Variants in BMPR2 observed in about 807,000 individuals in gnomAD.
BMPR2 encodes the protein bone morphogenetic protein receptor type-2.
Under a neutral mutation model 100.8 loss-of-function variants are expected in BMPR2, and 29 were observed. That is an observed-to-expected ratio of 0.29 (90% CI 0.21 to 0.39). The LOEUF (loss-of-function observed/expected upper bound fraction) is 0.39, where lower values mean the gene tolerates loss of function less well. BMPR2 is among the 10% of genes least tolerant of loss of function. The pLI is 1.00. For synonymous variants in BMPR2, 382 were observed against 442.3 expected (o/e 0.86, Z 1.71); for missense variants, 1,011 against 1,274.5 (o/e 0.79, Z 3.15).
At chr2:202,403,287 C>T (rs1306990159) in intron 1 of BMPR2, among the ~76,000 whole-genome samples, 1 of 150,800 alleles carries the variant, frequency 6.6e-6, no homozygotes, top group Non-Finnish European at 1.5e-5. Flanking sequence ...GCAGCCTCCG[C>T]CTCCCGGGTT....
At chr2:202,535,833 G>A (rs62194101) in intron 9 of BMPR2, among the ~76,000 whole-genome samples, 12 of 150,574 alleles carry the variant, frequency 8.0e-5, no homozygotes, top group African/African-American at 2.0e-4. Flanking sequence ...CTGCAATCCC[G>A]GCACCTCGGG....
intron 1 of BMPR2, among the ~76,000 whole-genome samples, chr2:202,408,478 G>T (rs138424923): frequency 6.6e-6 from 1 of 152,290 alleles, no homozygotes; most frequent in African/African-American, 2.4e-5. Context: ...GCACAATGGT[G>T]TATAAAATCT....
At chr2:202,395,151 G>T (rs369360713) in intron 1 of BMPR2, among the ~76,000 whole-genome samples, 1 of 152,068 alleles carries the variant, frequency 6.6e-6, no homozygotes, top group Non-Finnish European at 1.5e-5. Flanking sequence ...CAAAGTGCTG[G>T]GATTACAGGC....
intron 3 of BMPR2, among the ~76,000 whole-genome samples, chr2:202,500,588 G>C (rs1205019696): frequency 6.6e-6 from 1 of 152,204 alleles, no homozygotes; most frequent in Non-Finnish European, 1.5e-5. Flanking sequence ...CTTAAGGCCT[G>C]AAGCTCATAC....
intron 1 of BMPR2, among the ~76,000 whole-genome samples, chr2:202,407,109 AT>A (rs34304623): frequency 0.13 from 18,385 of 141,768 alleles, 1,177 homozygotes; most frequent in Admixed American, 0.14. Context: ...TAATTTTTGT[AT>A]TTTTTTTTTT....
At position 202,535,130 on chromosome 2, in the gene BMPR2, G is replaced by A. The variant is rs1388972335; in HGVS notation, c.1276+2398G>A. Among the ~76,000 whole-genome samples, 54 of 140,260 alleles carry A rather than the reference G, an allele frequency of 3.8e-4. 2 individuals carry two copies. Among genetic ancestry groups the A allele is most frequent in the East Asian group, 1.5e-3 (7 of 4,588 alleles). The allele number at this position is 140,260 out of a possible 152,430, so 92.0% of individuals were successfully genotyped here. On this transcript the variant is annotated intron_variant, in intron 9 of 12. Transcript: ENST00000374580. ...CGGACGGGGCGGCTGGCCGGGCGGG[G>A]GGCTGACCCCCCCACCTCCCTCCCG...
rs1165245040 is a variant in BMPR2, at chr2:202,503,925, AAT to A, written c.419-9792_419-9791del. On this transcript the variant is annotated intron_variant, in intron 3 of 12. Transcript: ENST00000374580. This position sits in a 1 kb window ranked among gnomAD's most constrained non-coding sequence, Gnocchi z 4.0. ...CTCTGTATCTAGCTCAAGGTTTGTA[AAT>A]ACACCAATCAGCACCCTGTGTCTAG... is the stretch of plus-strand genomic sequence containing the variant. Among the ~76,000 whole-genome samples, 2 of 152,136 alleles carry A rather than the reference AAT, an allele frequency of 1.3e-5. No homozygotes were observed. Among genetic ancestry groups the A allele is most frequent in the African/African-American group, 4.8e-5 (2 of 41,422 alleles).
chr2:202,398,917 T>A (rs530456453), intron 1 of BMPR2, among the ~76,000 whole-genome samples: 1 of 152,086 alleles, frequency 6.6e-6, no homozygotes, highest in East Asian at 1.9e-4. Context: ...TCACCTGAAG[T>A]TGGGAGTTCG....
At chr2:202,535,191 C>T (rs544175550) in intron 9 of BMPR2, among the ~76,000 whole-genome samples, 4 of 149,912 alleles carry the variant, frequency 2.7e-5, no homozygotes, top group African/African-American at 9.8e-5. Context: ...GCTGACCCCC[C>T]CCACCTCCCT....
chr2:202,559,970 A>T lies in BMPR2; in HGVS notation c.*24A>T. 6.2e-7 allele frequency: 1 copy of T among 1,613,524 alleles called. No individual in the cohort carries two copies. The highest frequency in any genetic ancestry group is 1.1e-5 in the South Asian group (1 of 91,034). ...GAAATGTTTTCAAGCCTATGGAGTG[A>T]AATTATTTTTTGCATCATTTAAACA... On this transcript the variant is annotated 3_prime_UTR_variant, in exon 13 of 13. Transcript: ENST00000374580.
intron 5 of BMPR2, among the ~76,000 whole-genome samples, chr2:202,516,949 C>T (rs2106004807): frequency 6.6e-6 from 1 of 152,222 alleles, no homozygotes; most frequent in South Asian, 2.1e-4. Flanking sequence ...AAAGTAAAAG[C>T]AATCCCCAGA....
At chr2:202,526,486 T>C (rs1687914530) in intron 7 of BMPR2, among the ~76,000 whole-genome samples, 6 of 152,264 alleles carry the variant, frequency 3.9e-5, no homozygotes, top group Admixed American at 3.3e-4. Flanking sequence ...TATCTTGACA[T>C]CTTGCTTCTC....
At chr2:202,491,871 A>C (rs1228038894) in intron 3 of BMPR2, among the ~76,000 whole-genome samples, 1 of 152,176 alleles carries the variant, frequency 6.6e-6, no homozygotes, top group African/African-American at 2.4e-5. Flanking sequence ...AAATGTATAC[A>C]TTTGTGGAAT....
At chr2:202,465,498 C>T (rs1222176880) in intron 2 of BMPR2, among the ~76,000 whole-genome samples, 1 of 152,114 alleles carries the variant, frequency 6.6e-6, no homozygotes, top group African/African-American at 2.4e-5. Context: ...CATGCCCGTT[C>T]TATGAATTTT....
intron 1 of BMPR2, among the ~76,000 whole-genome samples, chr2:202,453,314 T>C (rs533392509): frequency 1.3e-5 from 2 of 152,142 alleles, no homozygotes; most frequent in South Asian, 4.1e-4. Flanking sequence ...ACTAAGTATA[T>C]ACCCAAAAGG....
intron 3 of BMPR2, among the ~76,000 whole-genome samples, chr2:202,510,314 G>A (rs1687595759): frequency 6.6e-6 from 1 of 152,178 alleles, no homozygotes. Context: ...CTACTTAGGA[G>A]TCTGAGGCAG....
chr2:202,489,559 A>G (rs1308867681), intron 3 of BMPR2, among the ~76,000 whole-genome samples: 1 of 152,232 alleles, frequency 6.6e-6, no homozygotes, highest in Non-Finnish European at 1.5e-5. Context: ...TAAGGTTTAT[A>G]CATCTCACAA....
intron 1 of BMPR2, among the ~76,000 whole-genome samples, chr2:202,399,831 G>A (rs1173853722): frequency 6.6e-6 from 1 of 152,224 alleles, no homozygotes; most frequent in African/African-American, 2.4e-5. Flanking sequence ...ATAGTTGAGT[G>A]CTGGGCTTGA....
intron 1 of BMPR2, among the ~76,000 whole-genome samples, chr2:202,421,882 A>G (rs1306376100): frequency 6.6e-6 from 1 of 152,168 alleles, no homozygotes; most frequent in Non-Finnish European, 1.5e-5. Context: ...AGTAAATAAC[A>G]TGTAATGTCA....
Sources: gnomAD v4.1 joint callset for allele counts (sites outside exome capture counted in the v4.1 genomes callset) on GRCh38, gnomAD v4.1.1 for gene constraint, Gnocchi (gnomAD v3.1) non-coding constraint, MANE v1.5 for transcripts, NCBI Gene and HGNC (gene_info 2026-07-23, HGNC 2026-07-21) for gene names.